The following CCNY variants were observed in gnomAD, a reference collection of about 807,000 sequenced individuals.
The protein encoded by CCNY is cyclin Y, also known as cyclin-Y.
A neutral mutation model predicts 42.8 loss-of-function variants in CCNY; 19 were observed. The observed-to-expected ratio is 0.44, with a 90% CI of 0.31 to 0.65. The LOEUF (loss-of-function observed/expected upper bound fraction) is 0.65, where lower values mean the gene tolerates loss of function less well. Among genes scored for constraint, CCNY ranks in the 30% least tolerant of loss-of-function variants. The pLI, the probability that CCNY is intolerant of heterozygous loss-of-function variation, is 0.07. For missense variants in CCNY, 370 were observed against 437.3 expected (o/e 0.85, Z 1.37); for synonymous variants, 165 against 162.7 (o/e 1.01, Z -0.11).
intron 2 of CCNY, among the ~76,000 whole-genome samples, chr10:35,499,942 A>ATATG (rs371544309): frequency 8.5e-5 from 13 of 152,226 alleles, no homozygotes; most frequent in African/African-American, 2.4e-4. Context: ...CACGCTCTAT[A>ATATG]TATGTATGTA....
At chr10:35,491,846 C>T (rs1589156533) in intron 2 of CCNY, among the ~76,000 whole-genome samples, 1 of 127,338 alleles carries the variant, frequency 7.9e-6, no homozygotes, top group South Asian at 2.5e-4. Flanking sequence ...ATCTCCTGAC[C>T]TCGTGATCCC....
At chr10:35,281,180 A>G (rs1031296980) in intron 3 of CCNY, among the ~76,000 whole-genome samples, 1 of 152,214 alleles carries the variant, frequency 6.6e-6, no homozygotes, top group African/African-American at 2.4e-5. Flanking sequence ...GCACTCCTTT[A>G]AAAGTTTCCA....
chr10:35,407,815 C>T (rs755940176), intron 1 of CCNY, among the ~76,000 whole-genome samples: 2 of 152,152 alleles, frequency 1.3e-5, no homozygotes, highest in East Asian at 3.9e-4. Context: ...CCAAAGCAGG[C>T]GTCTCCGCAC....
At chr10:35,522,203 G>T (rs1319234304) in intron 4 of CCNY, among the ~76,000 whole-genome samples, 1 of 152,206 alleles carries the variant, frequency 6.6e-6, no homozygotes, top group African/African-American at 2.4e-5. Flanking sequence ...TTTCTTCAAT[G>T]TGGTGCCATT....
intron 3 of CCNY, among the ~76,000 whole-genome samples, chr10:35,510,533 C>CT (rs1316136261): frequency 9.9e-5 from 15 of 152,082 alleles, no homozygotes; most frequent in East Asian, 3.9e-4. Flanking sequence ...TTATTTAATG[C>CT]TTTTTTTTGA....
intron 3 of CCNY, among the ~76,000 whole-genome samples, chr10:35,511,879 C>G (rs1840331768): frequency 6.6e-6 from 1 of 152,218 alleles, no homozygotes; most frequent in African/African-American, 2.4e-5. Context: ...TCGTGTGTCT[C>G]TCCCCAGTGG....
intron 2 of CCNY, among the ~76,000 whole-genome samples, chr10:35,500,113 G>A (rs1334027165): frequency 4.6e-5 from 7 of 152,172 alleles, no homozygotes; most frequent in Admixed American, 2.0e-4. Flanking sequence ...CTGTGCACTC[G>A]TGCTCTGTGT....
intron 1 of CCNY, among the ~76,000 whole-genome samples, chr10:35,404,320 C>T (rs1315081342): frequency 2.0e-5 from 3 of 152,144 alleles, no homozygotes; most frequent in Non-Finnish European, 2.9e-5. Flanking sequence ...TCTGACCACA[C>T]AGCCCTGCAC....
intron 1 of CCNY, among the ~76,000 whole-genome samples, chr10:35,412,651 G>T (rs1440272220): frequency 6.7e-6 from 1 of 148,654 alleles, no homozygotes; most frequent in Non-Finnish European, 1.5e-5. Flanking sequence ...AGAAGTTTGC[G>T]ACCAGCCTAG....
chr10:35,438,080 C>T (rs1196028223), intron 1 of CCNY, among the ~76,000 whole-genome samples: 1 of 151,778 alleles, frequency 6.6e-6, no homozygotes, highest in Non-Finnish European at 1.5e-5. Flanking sequence ...TATCATCATA[C>T]AAATGATAGC....
In CCNY at chr10:35,393,382, C is replaced by A. The variant is rs146405450; in HGVS notation, c.154+56175C>A. ...TTTTTATTGACTCAGAAATCGTGGC[C>A]TGGTTACTATTTGGGAAGGCATGTC... On this transcript the variant is annotated intron_variant, in intron 1 of 9. Coordinates refer to ENST00000374704, the MANE Select transcript of CCNY (RefSeq NM_145012.6). Among the ~76,000 whole-genome samples, 592 of 152,232 alleles carry A rather than the reference C, an allele frequency of 3.9e-3. 6 individuals are homozygous for A. The Middle Eastern group carries it at 0.041, about 10-fold the overall frequency.
intron 1 of CCNY, among the ~76,000 whole-genome samples, chr10:35,479,607 G>C: frequency 7.5e-6 from 1 of 134,020 alleles, no homozygotes; most frequent in Non-Finnish European, 1.6e-5. Context: ...GGACTGTTGT[G>C]GGGTGGGGGG....
chr10:35,252,876 C>T (rs2095712937), intron 3 of CCNY, among the ~76,000 whole-genome samples: 2 of 152,132 alleles, frequency 1.3e-5, no homozygotes, highest in South Asian at 4.1e-4. Flanking sequence ...GCAGCAGAAG[C>T]TACTTTCCAA....
At chr10:35,362,266 TAAA>T (rs999734126) in intron 1 of CCNY, among the ~76,000 whole-genome samples, 4 of 152,148 alleles carry the variant, frequency 2.6e-5, no homozygotes, top group African/African-American at 7.2e-5. Context: ...TAAAATCAAA[TAAA>T]AAAGAGTGTG....
chr10:35,341,741 A>T (rs1836187842), intron 1 of CCNY, among the ~76,000 whole-genome samples: 1 of 152,198 alleles, frequency 6.6e-6, no homozygotes, highest in Admixed American at 6.5e-5. Context: ...TTGGCTTTGT[A>T]GTTTAACCTG....
intron 1 of CCNY, among the ~76,000 whole-genome samples, chr10:35,480,182 C>T (rs777357472): frequency 2.0e-5 from 3 of 152,126 alleles, no homozygotes; most frequent in Non-Finnish European, 4.4e-5. Context: ...GAGATGACAC[C>T]TGGCCTGTCA....
chr10:35,325,357 T>C (rs947308813), intron 3 of CCNY, among the ~76,000 whole-genome samples: 1 of 152,066 alleles, frequency 6.6e-6, no homozygotes, highest in African/African-American at 2.4e-5. Context: ...TTTTTTATTT[T>C]TAGTAGAGAG....
chr10:35,457,860 G>A (rs986441218), intron 1 of CCNY, among the ~76,000 whole-genome samples: 5 of 152,166 alleles, frequency 3.3e-5, no homozygotes, highest in Admixed American at 6.5e-5. Context: ...GATTACAGGC[G>A]TGAGCCACCA....
At chr10:35,422,480 C>T (rs1838181142) in intron 1 of CCNY, among the ~76,000 whole-genome samples, 1 of 152,096 alleles carries the variant, frequency 6.6e-6, no homozygotes, top group South Asian at 2.1e-4. Flanking sequence ...GACTCGTGGG[C>T]ATTTGAGAAG....
Sources: allele counts gnomAD v4.1 joint callset (sites outside exome capture counted in the v4.1 genomes callset), GRCh38; gene constraint gnomAD v4.1.1; transcripts MANE v1.5; gene names NCBI Gene and HGNC (gene_info 2026-07-23, HGNC 2026-07-21).